The following DNAH11 variants were observed in gnomAD, a reference collection of about 807,000 sequenced individuals.
The protein encoded by DNAH11 is dynein axonemal heavy chain 11.
DNAH11 carries 442 observed loss-of-function variants against 526.0 expected under a neutral mutation model. The observed-to-expected ratio is 0.84, with a 90% CI of 0.78 to 0.91. The LOEUF is 0.91. Among genes scored for constraint, DNAH11 ranks in the 40% least tolerant of loss-of-function variants. The probability of loss-of-function intolerance (pLI) is 0.00; values close to 1 mark genes in which losing one functional copy is unlikely to be tolerated. For missense variants in DNAH11, 6,989 were observed against 5,448.7 expected (o/e 1.28, Z -8.90); for synonymous variants, 2,461 against 1,935.9 (o/e 1.27, Z -7.12).
Position 21,864,517 on chromosome 7 carries a change from AT to A in DNAH11, c.11374-14del. The A allele has an allele frequency of 6.2e-7, 1 of 1,608,120 alleles. No individual in the cohort carries two copies. Among genetic ancestry groups the A allele is most frequent in the Non-Finnish European group, 8.5e-7 (1 of 1,177,708 alleles). On this transcript the variant is annotated splice_polypyrimidine_tract_variant and intron_variant, in intron 69 of 81. Transcript: ENST00000409508. The stretch of plus-strand genomic sequence containing the variant: ...CATGTAAACCTAATAATCCTTTTCA[AT>A]TTTGTCTACTCTCAAGATTTTGTTG...
intron 65 of DNAH11, among the ~76,000 whole-genome samples, chr7:21,837,734 TTTAG>T (rs1405585233): frequency 6.6e-6 from 1 of 152,168 alleles, no homozygotes. Flanking sequence ...TTCAGTGGTT[TTTAG>T]TTAGGAGGAA....
intron 54 of DNAH11, among the ~76,000 whole-genome samples, chr7:21,754,478 A>C (rs145679139): frequency 7.9e-5 from 12 of 151,986 alleles, no homozygotes; most frequent in African/African-American, 2.9e-4. Context: ...ATTCATCTCT[A>C]TTGTTGTCTA....
At chr7:21,866,690 A>G (rs1562592931) in intron 71 of DNAH11, 27 bp downstream of exon 71, 1 of 1,587,352 alleles carries the variant, frequency 6.3e-7, no homozygotes. Flanking sequence ...TTTTGGAAAC[A>G]TGTATTAGTT....
intron 20 of DNAH11, among the ~76,000 whole-genome samples, chr7:21,612,554 CAAAAAAAAAAAA>C (rs34356379): frequency 7.4e-5 from 6 of 81,240 alleles, no homozygotes; most frequent in African/African-American, 3.1e-4. Context: ...GGCTCCGTCT[CAAAAAAAAAAAA>C]AAAAAAAAAA....
At chr7:21,729,692 G>A (rs1321359268) in intron 45 of DNAH11, among the ~76,000 whole-genome samples, 1 of 97,226 alleles carries the variant, frequency 1.0e-5, no homozygotes, top group East Asian at 2.4e-4. Context: ...TTTTCTGCCA[G>A]TGTCAAGTAA....
chr7:21,853,574 C>A (rs968944147), intron 67 of DNAH11, among the ~76,000 whole-genome samples: 3 of 152,038 alleles, frequency 2.0e-5, no homozygotes, highest in Admixed American at 6.6e-5. Flanking sequence ...ATTTTATTTC[C>A]TTTTATACAC....
chr7:21,770,698 A>G (rs979669933), intron 55 of DNAH11, among the ~76,000 whole-genome samples: 3 of 152,224 alleles, frequency 2.0e-5, no homozygotes, highest in Non-Finnish European at 4.4e-5. Flanking sequence ...TTGGGAAAGC[A>G]GTAAAAGAAG....
rs34906096 is a variant in DNAH11 at position 21,681,982 on chromosome 7, G to A, written c.5460+305G>A. On this transcript the variant is annotated intron_variant, in intron 31 of 81. Transcript: ENST00000409508. ...TGTGTTCATCTCTCTGTGTGTGACCGTCTTGGTCATTGGCCTGTGAGCCTC... is the reference window on the plus strand; with the variant it reads ...TGTGTTCATCTCTCTGTGTGTGACCATCTTGGTCATTGGCCTGTGAGCCTC... 0.084 allele frequency among the ~76,000 whole-genome samples: 12,711 copies of A among 152,180 alleles called. 1,080 individuals carry two copies. Among genetic ancestry groups the A allele is most frequent in the African/African-American group, 0.21 (8,771 of 41,494 alleles).
chr7:21,564,715 G>T (rs1375296972), intron 6 of DNAH11, among the ~76,000 whole-genome samples: 1 of 152,012 alleles, frequency 6.6e-6, no homozygotes, highest in South Asian at 2.1e-4. Flanking sequence ...CCTTCCCTTC[G>T]GTTTTCACAG....
chr7:21,856,311 C>T (rs760153351), intron 68 of DNAH11, among the ~76,000 whole-genome samples: 21 of 152,046 alleles, frequency 1.4e-4, no homozygotes, highest in Non-Finnish European at 2.6e-4. Flanking sequence ...GAATCATTGG[C>T]TCCTGGAGAT....
rs972753865 is a variant in DNAH11, at chr7:21,808,051, T to C, written c.10332+2T>C. The stretch of plus-strand genomic sequence containing the variant: ...TGGGTTCCCTTTCTTCAACAGAAGG[T>C]AAGTTCAGTTCCTTACCTTGTCAGC... On this transcript the variant is annotated splice_donor_variant, in intron 63 of 81. Coordinates refer to ENST00000409508, the MANE Select transcript of DNAH11 (RefSeq NM_001277115.2). LOFTEE classifies it high-confidence loss of function. 6 of 1,517,738 alleles carry C rather than the reference T, an allele frequency of 4.0e-6. No individual in the cohort carries two copies. The highest frequency in any genetic ancestry group is 2.7e-5 in the African/African-American group (2 of 73,472). The allele number at this position is 1,517,738 out of a possible 1,614,324, so 94.0% of individuals were successfully genotyped here. A position where few individuals can be genotyped will look rare whatever the true frequency, so the allele number is the denominator to read the frequency against.
At chr7:21,657,160 A>C (rs1487873915) in intron 29 of DNAH11, among the ~76,000 whole-genome samples, 1 of 151,652 alleles carries the variant, frequency 6.6e-6, no homozygotes, top group East Asian at 1.9e-4. Flanking sequence ...TTATAAAAAG[A>C]TGCTTTTAAT....
intron 52 of DNAH11, among the ~76,000 whole-genome samples, chr7:21,749,123 T>G (rs575939901): frequency 1.6e-3 from 239 of 152,264 alleles, no homozygotes; most frequent in South Asian, 3.5e-3. Context: ...ATAGATTTCT[T>G]CCACATTGGA....
chr7:21,624,269 A>G (rs1786223746), intron 25 of DNAH11, among the ~76,000 whole-genome samples: 1 of 152,174 alleles, frequency 6.6e-6, no homozygotes, highest in Non-Finnish European at 1.5e-5. Flanking sequence ...TTTAGTATAC[A>G]GATATTTCAC....
intron 73 of DNAH11, among the ~76,000 whole-genome samples, chr7:21,871,055 T>C (rs1783475071): frequency 6.6e-6 from 1 of 152,250 alleles, no homozygotes. Context: ...GGGTATATGA[T>C]ATGTATGTAC....
intron 41 of DNAH11, 89 bp from the exon 42 acceptor site, chr7:21,711,623 G>A: frequency 1.3e-6 from 2 of 1,525,518 alleles, no homozygotes. Context: ...CACAGCCTGT[G>A]ATACTTCTGG....
At chr7:21,694,502 A>G (rs1269480604) in intron 35 of DNAH11, among the ~76,000 whole-genome samples, 1 of 152,174 alleles carries the variant, frequency 6.6e-6, no homozygotes, top group Non-Finnish European at 1.5e-5. Context: ...TTCCAGCTTC[A>G]TCCATGTCCC....
At position 21,725,799 on chromosome 7, in the gene DNAH11, T is replaced by C. The variant is rs772859518; in HGVS notation, c.7267-12T>C. ...TTGAGTCTGCAATAAGGATTTCTTT[T>C]GTTCTCCTTAGATTTCTGATTATCA... On this transcript the variant is annotated splice_polypyrimidine_tract_variant and intron_variant, in intron 44 of 81. Transcript: ENST00000409508. 2 of 1,603,246 alleles carry C rather than the reference T, an allele frequency of 1.2e-6. No individual in the cohort carries two copies. Among genetic ancestry groups the C allele is most frequent in the South Asian group, 1.1e-5 (1 of 88,586 alleles).
chr7:21,634,833 A>C (rs573872442), intron 25 of DNAH11, among the ~76,000 whole-genome samples: 5 of 152,208 alleles, frequency 3.3e-5, no homozygotes, highest in African/African-American at 1.2e-4. Flanking sequence ...TGGAAGGGAA[A>C]AAAAGACATA....
Sources: allele counts gnomAD v4.1 joint callset (sites outside exome capture counted in the v4.1 genomes callset), GRCh38; gene constraint gnomAD v4.1.1; transcripts MANE v1.5; gene names NCBI Gene and HGNC (gene_info 2026-07-23, HGNC 2026-07-21).